Variants in COMMD10 observed in about 807,000 individuals in gnomAD.
COMMD10 encodes COMM domain-containing protein 10.
In COMMD10, 33 loss-of-function variants were observed where a neutral mutation model predicts 28.9. The ratio of observed to expected loss-of-function variants is 1.14; its 90% CI spans 0.87 to 1.53. COMMD10 has a LOEUF of 1.53. COMMD10 is among the 40% of genes most tolerant of loss of function. The pLI is 0.00. For missense variants in COMMD10, 310 were observed against 233.4 expected (o/e 1.33, Z -2.14); for synonymous variants, 110 against 81.7 (o/e 1.35, Z -1.87).
At chr5:116,134,205 A>G (rs1407282331) in intron 5 of COMMD10, 27 bp downstream of exon 5, 7 of 1,332,528 alleles carry the variant, frequency 5.3e-6, no homozygotes, top group Non-Finnish European at 7.6e-6. Context: ...CATTAAAAGG[A>G]TGTATTTTGT....
intron 4 of COMMD10, among the ~76,000 whole-genome samples, chr5:116,124,372 T>C (rs149833859): frequency 6.6e-6 from 1 of 152,174 alleles, no homozygotes; most frequent in African/African-American, 2.4e-5. Context: ...CATGTACTTA[T>C]GCAGTTTTAA....
At chr5:116,120,132 G>T (rs1322787194) in intron 4 of COMMD10, among the ~76,000 whole-genome samples, 1 of 152,000 alleles carries the variant, frequency 6.6e-6, no homozygotes, top group African/African-American at 2.4e-5. Flanking sequence ...AATGAATAAA[G>T]AAAATATGGT....
At chr5:116,265,174 A>G (rs1449598184) in intron 5 of COMMD10, among the ~76,000 whole-genome samples, 1 of 151,800 alleles carries the variant, frequency 6.6e-6, no homozygotes, top group Non-Finnish European at 1.5e-5. Context: ...ATTTAATACT[A>G]AGCAATGTGA....
At chr5:116,282,728 T>C (rs1561407802) in intron 5 of COMMD10, among the ~76,000 whole-genome samples, 1 of 151,936 alleles carries the variant, frequency 6.6e-6, no homozygotes, top group Non-Finnish European at 1.5e-5. Context: ...GTCTTCCTTT[T>C]GTATTATCTG....
chr5:116,240,836 A>G (rs923570273), intron 5 of COMMD10, among the ~76,000 whole-genome samples: 2 of 152,176 alleles, frequency 1.3e-5, no homozygotes, highest in African/African-American at 4.8e-5. Flanking sequence ...TTCTAATATG[A>G]TGGGTAATCA....
chr5:116,262,480 C>G (rs967423332), intron 5 of COMMD10, among the ~76,000 whole-genome samples: 3 of 151,514 alleles, frequency 2.0e-5, no homozygotes, highest in Non-Finnish European at 4.4e-5. Flanking sequence ...CAATACTATA[C>G]CAAGACAAAT....
chr5:116,249,084 G>A (rs896773068), intron 5 of COMMD10, among the ~76,000 whole-genome samples: 3 of 151,950 alleles, frequency 2.0e-5, no homozygotes, highest in East Asian at 3.9e-4. Flanking sequence ...TCACATCAGA[G>A]CATGGTTACC....
chr5:116,210,452 TAGC>T (rs1209566401), intron 5 of COMMD10, among the ~76,000 whole-genome samples: 7 of 152,008 alleles, frequency 4.6e-5, no homozygotes, highest in Non-Finnish European at 8.8e-5. Flanking sequence ...GTAGGGATGA[TAGC>T]AGAGGAAGTT....
intron 5 of COMMD10, among the ~76,000 whole-genome samples, chr5:116,195,256 A>C (rs1748479889): frequency 1.3e-5 from 2 of 152,178 alleles, no homozygotes; most frequent in South Asian, 4.1e-4. Flanking sequence ...AACTGGAACA[A>C]GATAAGGATA....
intron 5 of COMMD10, among the ~76,000 whole-genome samples, chr5:116,161,756 G>C (rs1272273153): frequency 6.6e-6 from 1 of 152,144 alleles, no homozygotes; most frequent in African/African-American, 2.4e-5. Flanking sequence ...AGGAAGAAGA[G>C]AAAGGGTTGC....
At chr5:116,204,636 CAAT>C (rs1000827075) in intron 5 of COMMD10, among the ~76,000 whole-genome samples, 7 of 151,960 alleles carry the variant, frequency 4.6e-5, no homozygotes, top group Admixed American at 6.6e-5. Flanking sequence ...ATGTTAAAAT[CAAT>C]AATAAGATGC....
At chr5:116,143,647 G>C (rs1752258420) in intron 5 of COMMD10, among the ~76,000 whole-genome samples, 1 of 151,712 alleles carries the variant, frequency 6.6e-6, no homozygotes, top group Admixed American at 6.6e-5. Context: ...TCATGTATTA[G>C]AAATGACAGT....
intron 5 of COMMD10, among the ~76,000 whole-genome samples, chr5:116,231,362 C>G (rs921476797): frequency 5.9e-5 from 9 of 152,072 alleles, no homozygotes; most frequent in Non-Finnish European, 1.5e-5. Flanking sequence ...GTATGCAATA[C>G]TAATGTTTAA....
intron 5 of COMMD10, among the ~76,000 whole-genome samples, chr5:116,250,588 A>C (rs1171195675): frequency 6.6e-6 from 1 of 151,894 alleles, no homozygotes; most frequent in East Asian, 1.9e-4. Flanking sequence ...GAATAGATCC[A>C]TGCAGCAAAG....
chr5:116,123,577 G>T (rs1276492378), intron 4 of COMMD10, among the ~76,000 whole-genome samples: 6 of 152,118 alleles, frequency 3.9e-5, no homozygotes, highest in African/African-American at 1.4e-4. Flanking sequence ...GATGATGCTG[G>T]CCTCATAAAA....
chr5:116,203,463 G>A (rs575911664), intron 5 of COMMD10, among the ~76,000 whole-genome samples: 260 of 152,002 alleles, frequency 1.7e-3, no homozygotes, highest in African/African-American at 5.9e-3. Flanking sequence ...TTGCAATGAA[G>A]GAAAAAATGT....
At chr5:116,097,311 A>G (rs1750501434) in intron 4 of COMMD10, among the ~76,000 whole-genome samples, 1 of 150,864 alleles carries the variant, frequency 6.6e-6, no homozygotes, top group Non-Finnish European at 1.5e-5. Flanking sequence ...TAATGATAAC[A>G]AGCATTTATT....
intron 5 of COMMD10, among the ~76,000 whole-genome samples, chr5:116,194,756 C>T (rs759321615): frequency 5.3e-5 from 8 of 152,086 alleles, no homozygotes; most frequent in Non-Finnish European, 7.4e-5. Context: ...AGAATTGGTA[C>T]CAATCCTTTT....
intron 5 of COMMD10, among the ~76,000 whole-genome samples, chr5:116,262,136 C>G (rs1360924453): frequency 6.6e-6 from 1 of 151,654 alleles, no homozygotes; most frequent in Admixed American, 6.6e-5. Flanking sequence ...AGAGCTGGTA[C>G]TTTTCCTCTT....
Sources: gnomAD v4.1 joint callset for allele counts (sites outside exome capture counted in the v4.1 genomes callset) on GRCh38, gnomAD v4.1.1 for gene constraint, MANE v1.5 for transcripts, NCBI Gene and HGNC (gene_info 2026-07-23, HGNC 2026-07-21) for gene names.